The following PVALEF variants were observed in gnomAD, a reference collection of about 807,000 sequenced individuals.
PVALEF encodes parvalbumin-like EF-hand-containing protein.
PVALEF carries 2 observed loss-of-function variants against 1.2 expected under a neutral mutation model. That is an observed-to-expected ratio of 1.68 (90% confidence interval 0.69 to 5.28). The LOEUF is 5.28. PVALEF is among the 30% of genes most tolerant of loss of function. The pLI is 0.06. For missense variants in PVALEF, 35 were observed against 17.7 expected (o/e 1.97, Z -1.75); for synonymous variants, 16 against 6.5 (o/e 2.47, Z -2.24).
intron 1 of PVALEF, chr17:81,166,198 C>A: frequency 6.7e-6 from 1 of 150,122 alleles, no homozygotes; most frequent in Non-Finnish European, 1.3e-5. Flanking sequence ...GCCCTGGCGC[C>A]GCGGGGCTCC....
chr17:81,165,895 G>A (rs1419187692), intron 1 of PVALEF, 148 bp downstream of exon 1: 4 of 1,558,302 alleles, frequency 2.6e-6, no homozygotes, highest in African/African-American at 1.4e-5. Context: ...CGTCCGCAGC[G>A]GAGGGAGGCA....
chr17:81,166,269 G>C (rs1240903081), intron 1 of PVALEF, among the ~76,000 whole-genome samples: 1 of 121,654 alleles, frequency 8.2e-6, no homozygotes, highest in Non-Finnish European at 1.8e-5. Flanking sequence ...GGAGGGGGGG[G>C]CCCTCCGCGG....
At chr17:81,175,895 C>T (rs2061534545) in intron 2 of PVALEF, among the ~76,000 whole-genome samples, 1 of 152,056 alleles carries the variant, frequency 6.6e-6, no homozygotes. Context: ...ACAGCAAAGG[C>T]ACAGGCAACA....
chr17:81,177,598 T>C (rs1598250305), intron 2 of PVALEF, among the ~76,000 whole-genome samples: 2 of 151,506 alleles, frequency 1.3e-5, no homozygotes, highest in African/African-American at 2.4e-5. Context: ...ATTTATACTA[T>C]GTGAATTTTA....
At chr17:81,172,475 G>T (rs2061523907) in intron 2 of PVALEF, among the ~76,000 whole-genome samples, 2 of 152,196 alleles carry the variant, frequency 1.3e-5, no homozygotes, top group African/African-American at 4.8e-5. Context: ...GCAGCAGACG[G>T]CCAGTCAAGA....
chr17:81,165,664 C>T lies in PVALEF; in HGVS notation c.-591C>T. On this transcript the variant is annotated 5_prime_UTR_variant, in exon 1 of 7. Coordinates refer to ENST00000637878, the MANE Select transcript of PVALEF (RefSeq NM_001354639.2). ...CTGGACACCAGGGGCCCACGCAGGC[C>T]CTCCGTGCCCCAGTTACCTGTGCCC... 1 of 1,502,520 alleles carries T rather than the reference C, an allele frequency of 6.7e-7. No homozygotes were observed. Among genetic ancestry groups the T allele is most frequent in the Non-Finnish European group, 8.9e-7 (1 of 1,125,528 alleles). 93.1% of individuals were successfully genotyped at this position (1,502,520 alleles called of 1,614,324 possible).
chr17:81,166,292 G>A (rs1313279640), intron 1 of PVALEF, among the ~76,000 whole-genome samples: 1 of 109,686 alleles, frequency 9.1e-6, no homozygotes, highest in African/African-American at 3.5e-5. Flanking sequence ...GGGGTGGCAT[G>A]GGGGGAGCAC....
chr17:81,182,185 G>A (rs1437185278), intron 6 of PVALEF, 104 bp downstream of exon 6: 1 of 397,400 alleles, frequency 2.5e-6, no homozygotes, highest in East Asian at 3.6e-5. Flanking sequence ...ACAACTCACA[G>A]ATGAGGAAAC....
rs1163157496 is a variant in PVALEF, at chr17:81,177,240, C to CAAA, written c.-339-1658_-339-1656dup. ...CCGCACCAGGCTTGAAACTCCATCT[C>CAAA]AAAAAAAAAAAAAAAAAAAAAAGGC... On this transcript the variant is annotated intron_variant, in intron 2 of 6. Coordinates refer to ENST00000637878, the MANE Select transcript of PVALEF (RefSeq NM_001354639.2). 4.9e-4 allele frequency among the ~76,000 whole-genome samples: 36 copies of CAAA among 73,934 alleles called. 1 individual carries two copies. Among genetic ancestry groups the CAAA allele is most frequent in the East Asian group, 1.3e-3 (2 of 1,500 alleles). 48.5% of individuals were successfully genotyped at this position (73,934 alleles called of 152,430 possible). A position where few individuals can be genotyped will look rare whatever the true frequency, so the allele number is the denominator to read the frequency against.
At chr17:81,167,412 A>T (rs925604283) in intron 2 of PVALEF, among the ~76,000 whole-genome samples, 2 of 151,526 alleles carry the variant, frequency 1.3e-5, no homozygotes, top group African/African-American at 4.9e-5. Context: ...CAGATGGCTA[A>T]GCCCCTTGGC....
At chr17:81,170,447 C>T (rs1442372277) in intron 2 of PVALEF, among the ~76,000 whole-genome samples, 27 of 152,084 alleles carry the variant, frequency 1.8e-4, no homozygotes, top group Admixed American at 1.8e-3. Flanking sequence ...CTGGCCTCCT[C>T]TTGATCACAG....
At position 81,165,570 on chromosome 17, in the gene PVALEF, G is replaced by C; in HGVS notation, c.-685G>C. On this transcript the variant is annotated 5_prime_UTR_variant, in exon 1 of 7. Transcript: ENST00000637878. Reference sequence around the variant, plus strand: ...GGCCCCGGACCCAGGAGAGGCCATGGAAAGCCTGAACCCCAGCTGGCTGAC... The same window carrying C: ...GGCCCCGGACCCAGGAGAGGCCATGCAAAGCCTGAACCCCAGCTGGCTGAC... 1 of 1,218,212 alleles carries C rather than the reference G, an allele frequency of 8.2e-7. No homozygotes were observed. Among genetic ancestry groups the C allele is most frequent in the Non-Finnish European group, 1.1e-6 (1 of 906,252 alleles). The allele number at this position is 1,218,212 out of a possible 1,614,324, so 75.5% of individuals were successfully genotyped here.
At chr17:81,170,328 C>T (rs552281500) in intron 2 of PVALEF, among the ~76,000 whole-genome samples, 2 of 148,758 alleles carry the variant, frequency 1.3e-5, no homozygotes, top group African/African-American at 5.0e-5. Flanking sequence ...GGGGTGTGTG[C>T]ATGTGTGTGC....
rs1416005787 is a variant in PVALEF, at chr17:81,182,057, G to A, written c.334G>A (p.Gly112Arg). ...EAMIQAADTHGDGRINYEEFS... is the reference protein window; with the variant it reads ...EAMIQAADTHRDGRINYEEFS... ...CATGATCCAGGCGGCAGACACACAC[G>A]GGGACGGGAGGATCAACTACGAAGG... Residue 112 changes from glycine (G) to arginine (R), a missense_variant, in exon 6 of 7, where the codon GGG (glycine) becomes AGG (arginine). By Grantham distance (125) the Gly-to-Arg change is moderately radical. Coordinates refer to ENST00000637878, the MANE Select transcript of PVALEF (RefSeq NM_001354639.2). The A allele has an allele frequency of 4.3e-5, 17 of 398,570 alleles. No individual in the cohort carries two copies. The highest frequency in any genetic ancestry group is 7.1e-5 in the Non-Finnish European group (16 of 226,132). 24.7% of individuals were successfully genotyped at this position (398,570 alleles called of 1,614,324 possible).
intron 6 of PVALEF, 87 bp downstream of exon 6, chr17:81,182,168 C>T (rs1042917745): frequency 2.5e-6 from 1 of 397,990 alleles, no homozygotes; most frequent in African/African-American, 2.1e-5. Context: ...CCCGAGGGCA[C>T]TGGCACACAA....
At chr17:81,168,368 G>A (rs1423334696) in intron 2 of PVALEF, among the ~76,000 whole-genome samples, 1 of 152,212 alleles carries the variant, frequency 6.6e-6, no homozygotes. Context: ...AGGAAGGACA[G>A]GGGAGGAGCT....
At chr17:81,181,850 G>A (rs959696639) in intron 5 of PVALEF, 116 bp from the exon 6 acceptor site, 2 of 397,980 alleles carry the variant, frequency 5.0e-6, no homozygotes, top group Non-Finnish European at 8.9e-6. Context: ...AGGCTCAGAG[G>A]CCCAGGCTCC....
At chr17:81,170,660 T>C (rs746251945) in intron 2 of PVALEF, among the ~76,000 whole-genome samples, 1 of 152,148 alleles carries the variant, frequency 6.6e-6, no homozygotes, top group African/African-American at 2.4e-5. Context: ...TGAATCCCAA[T>C]TAGCCAGTTA....
chr17:81,172,031 A>G lies in PVALEF; in HGVS notation c.-340+5187A>G, dbSNP rs973185005. ...GGCCCATTCTGGACATTTCATAAAA[A>G]TGGAATCACATGGTATGTGGGGGCG... On this transcript the variant is annotated intron_variant, in intron 2 of 6. Coordinates refer to ENST00000637878, the MANE Select transcript of PVALEF (RefSeq NM_001354639.2). Among the ~76,000 whole-genome samples, 6 of 152,310 alleles carry G rather than the reference A, an allele frequency of 3.9e-5. No individual in the cohort carries two copies. The East Asian group carries it at 1.2e-3, about 29-fold the overall frequency.
Sources: gnomAD v4.1 joint callset for allele counts (sites outside exome capture counted in the v4.1 genomes callset) on GRCh38, gnomAD v4.1.1 for gene constraint, MANE v1.5 for transcripts, NCBI Gene and HGNC (gene_info 2026-07-23, HGNC 2026-07-21) for gene names.